The following CD244 variants were observed in gnomAD, a reference collection of about 807,000 sequenced individuals.
CD244 encodes the protein CD244 molecule.
Under a neutral mutation model 45.5 loss-of-function variants are expected in CD244, and 20 were observed. The ratio of observed to expected loss-of-function variants is 0.44; its 90% CI spans 0.31 to 0.64. The LOEUF is 0.64. CD244 is among the 30% of genes least tolerant of loss of function. CD244 has a pLI of 0.08. For missense variants in CD244, 407 were observed against 426.9 expected (o/e 0.95, Z 0.41); for synonymous variants, 185 against 160.5 (o/e 1.15, Z -1.15).
At position 160,862,846 on chromosome 1, in the gene CD244, T is replaced by G; in HGVS notation, c.-169A>C. The G allele has an allele frequency of 1.9e-6, 1 of 534,114 alleles. No individual in the cohort carries two copies. The highest frequency in any genetic ancestry group is 3.3e-6 in the Non-Finnish European group (1 of 303,298). 33.1% of individuals were successfully genotyped at this position (534,114 alleles called of 1,614,324 possible). ...GAGGCTGTTAACGCCTGCTGTGAGCTGACAAGGCCACTGAGAAAGCCCCAG... is the reference window on the plus strand; with the variant it reads ...GAGGCTGTTAACGCCTGCTGTGAGCGGACAAGGCCACTGAGAAAGCCCCAG... On this transcript the variant is annotated 5_prime_UTR_variant, in exon 1 of 9. Transcript: ENST00000368034.
chr1:160,851,900 G>T (rs1047996485), intron 1 of CD244, among the ~76,000 whole-genome samples: 1 of 152,142 alleles, frequency 6.6e-6, no homozygotes, highest in African/African-American at 2.4e-5. Flanking sequence ...AACCATAAAA[G>T]AATATTGATA....
At chr1:160,838,140 A>C (rs527782666) in intron 5 of CD244, among the ~76,000 whole-genome samples, 57 of 152,340 alleles carry the variant, frequency 3.7e-4, no homozygotes, top group African/African-American at 1.3e-3. Flanking sequence ...GTGGTCAGAC[A>C]ACAAATACCA....
At chr1:160,838,399 A>G in intron 5 of CD244, 52 bp downstream of exon 5, 1 of 1,299,926 alleles carries the variant, frequency 7.7e-7, no homozygotes, top group Non-Finnish European at 1.1e-6. Context: ...CATCATTGAA[A>G]GAGCATTTTC....
At chr1:160,858,097 A>G (rs1219434204) in intron 1 of CD244, among the ~76,000 whole-genome samples, 1 of 151,034 alleles carries the variant, frequency 6.6e-6, no homozygotes, top group African/African-American at 2.5e-5. Context: ...AAAAAAAAAC[A>G]AGACATGCCC....
intron 1 of CD244, among the ~76,000 whole-genome samples, chr1:160,852,321 G>T (rs374063000): frequency 1.3e-5 from 2 of 151,496 alleles, no homozygotes; most frequent in African/African-American, 4.9e-5. Flanking sequence ...AGGCCGAGGC[G>T]GGTGGATCGC....
rs566233906 is a variant in CD244 at position 160,862,657 on chromosome 1, G to A, written c.21C>T (p.Thr7=). 28 of 1,614,018 alleles carry A rather than the reference G, an allele frequency of 1.7e-5. 1 individual carries two copies. The South Asian group carries it at 2.7e-4, about 16-fold the overall frequency. The part of the protein sequence containing the change: MLGQVV[T]LILLLLLKVY... ...CCTTGAGGAGCAGGAGGAGTATGAG[G>A]GTGACCACTTGCCCCAGCATTTCCA... Residue 7 remains threonine, a synonymous_variant, in exon 1 of 9, where the codon ACC becomes ACT. Transcript: ENST00000368034.
At chr1:160,838,363 CT>C (rs879404253) in intron 5 of CD244, 87 bp downstream of exon 5, 7 of 979,042 alleles carry the variant, frequency 7.1e-6, no homozygotes, top group South Asian at 2.6e-5. Flanking sequence ...TCGTTCAGTC[CT>C]TTTTGTCCCT....
At chr1:160,851,592 G>A (rs138389418) in intron 1 of CD244, among the ~76,000 whole-genome samples, 22 of 152,220 alleles carry the variant, frequency 1.4e-4, no homozygotes, top group African/African-American at 5.3e-4. Flanking sequence ...AAAGCTTCCA[G>A]GAAAAAGCAC....
At chr1:160,846,064 T>A (rs146784833) in intron 1 of CD244, among the ~76,000 whole-genome samples, 6 of 152,184 alleles carry the variant, frequency 3.9e-5, no homozygotes, top group Non-Finnish European at 5.9e-5. Context: ...CTTTTTTTTT[T>A]ATTTTTCCAT....
At chr1:160,850,853 T>A (rs1423949226) in intron 1 of CD244, among the ~76,000 whole-genome samples, 1 of 152,198 alleles carries the variant, frequency 6.6e-6, no homozygotes, top group African/African-American at 2.4e-5. Context: ...ATCCACCAGA[T>A]GCCAACTGCA....
At chr1:160,847,362 T>C (rs940246131) in intron 1 of CD244, among the ~76,000 whole-genome samples, 3 of 151,982 alleles carry the variant, frequency 2.0e-5, no homozygotes, top group Non-Finnish European at 4.4e-5. Context: ...ATATAAATTA[T>C]ATATAAAACA....
intron 1 of CD244, among the ~76,000 whole-genome samples, chr1:160,855,767 A>G (rs1670083123): frequency 6.6e-6 from 1 of 152,192 alleles, no homozygotes; most frequent in African/African-American, 2.4e-5. Flanking sequence ...GATGAGGTGA[A>G]CTAGTAACTC....
At position 160,831,467 on chromosome 1, in the gene CD244, G is replaced by A. The variant is rs374281817; in HGVS notation, c.1018-40C>T. 4.3e-6 allele frequency: 6 copies of A among 1,393,890 alleles called. No homozygotes were observed. The African/African-American group carries it at 7.1e-5, about 17-fold the overall frequency. The allele number at this position is 1,393,890 out of a possible 1,614,324, so 86.3% of individuals were successfully genotyped here. A position where few individuals can be genotyped will look rare whatever the true frequency, so the allele number is the denominator to read the frequency against. On this transcript the variant is annotated intron_variant, in intron 8 of 8. Coordinates refer to ENST00000368034, the MANE Select transcript of CD244 (RefSeq NM_016382.4). The stretch of plus-strand genomic sequence containing the variant: ...GAGAAACTTCAGACCCTTGCACTGG[G>A]AGGTCCTTATCACAATCCTGTGAGG...
intron 7 of CD244, among the ~76,000 whole-genome samples, chr1:160,832,887 T>TATATATATATAC (rs1157419927): frequency 1.4e-5 from 2 of 143,110 alleles, no homozygotes; most frequent in South Asian, 2.3e-4. Context: ...TATATATATA[T>TATATATATATAC]ACACACACAC....
At chr1:160,861,873 T>G (rs1474209485) in intron 1 of CD244, among the ~76,000 whole-genome samples, 2 of 151,938 alleles carry the variant, frequency 1.3e-5, no homozygotes, top group Non-Finnish European at 2.9e-5. Flanking sequence ...AAAAATGAAA[T>G]AAATAAATTA....
intron 1 of CD244, among the ~76,000 whole-genome samples, chr1:160,854,835 A>G (rs1374660028): frequency 3.3e-5 from 5 of 152,208 alleles, no homozygotes; most frequent in Non-Finnish European, 7.3e-5. Flanking sequence ...TTGTCTGCAA[A>G]TAAAAAGGAG....
rs1669532111 is a variant in CD244, at chr1:160,841,280, A to G, written c.585T>C (p.Asn195=). The G allele has an allele frequency of 1.2e-6, 2 of 1,614,196 alleles. No individual in the cohort carries two copies. Among genetic ancestry groups the G allele is most frequent in the African/African-American group, 1.3e-5 (1 of 75,048 alleles). The change falls in exon 3 of 9, where the codon AAT becomes AAC. Residue 195 remains asparagine (N), a synonymous_variant. Transcript: ENST00000368034. The part of the protein sequence containing the change: ...DINGTHTYTC[N]VSNPVSWESH... ...TTTCCCAGCTAACAGGATTGCTGACATTGCAGGTATATGTGTGAGTGCCAT... is the reference window on the plus strand; with the variant it reads ...TTTCCCAGCTAACAGGATTGCTGACGTTGCAGGTATATGTGTGAGTGCCAT...
At chr1:160,844,236 C>A (rs185701803) in intron 1 of CD244, among the ~76,000 whole-genome samples, 16 of 152,272 alleles carry the variant, frequency 1.1e-4, no homozygotes, top group African/African-American at 2.6e-4. Flanking sequence ...AAGGAAACAT[C>A]TCCAAAAACC....
At chr1:160,852,853 T>A (rs939104203) in intron 1 of CD244, among the ~76,000 whole-genome samples, 1 of 151,594 alleles carries the variant, frequency 6.6e-6, no homozygotes, top group Non-Finnish European at 1.5e-5. Flanking sequence ...TGAAACCCCA[T>A]CTCAAAAAAA....
Sources: allele counts gnomAD v4.1 joint callset (sites outside exome capture counted in the v4.1 genomes callset), GRCh38; gene constraint gnomAD v4.1.1; transcripts MANE v1.5; gene names NCBI Gene and HGNC (gene_info 2026-07-23, HGNC 2026-07-21).